Variants in ARFGEF1 observed in about 807,000 individuals in gnomAD.
ARFGEF1 encodes brefeldin A-inhibited guanine nucleotide-exchange protein 1.
A neutral mutation model predicts 231.0 loss-of-function variants in ARFGEF1; 42 were observed. The ratio of observed to expected loss-of-function variants is 0.18; its 90% CI spans 0.14 to 0.24. ARFGEF1 has a LOEUF of 0.24. Among genes scored for constraint, ARFGEF1 ranks in the 10% least tolerant of loss-of-function variants. The pLI, the probability that ARFGEF1 is intolerant of heterozygous loss-of-function variation, is 1.00. For missense variants in ARFGEF1, 1,345 were observed against 2,192.0 expected (o/e 0.61, Z 7.72); for synonymous variants, 710 against 732.3 (o/e 0.97, Z 0.49).
chr8:67,196,654 G>A (rs946760575), downstream of ARFGEF1, among the ~76,000 whole-genome samples: 3 of 151,994 alleles, frequency 2.0e-5, no homozygotes, highest in African/African-American at 4.8e-5. Context: ...TTTTCTAATC[G>A]GACCATTGTT....
intron 1 of ARFGEF1, among the ~76,000 whole-genome samples, chr8:67,331,065 A>T (rs532224693): frequency 7.2e-5 from 11 of 151,772 alleles, no homozygotes; most frequent in African/African-American, 1.4e-4. Flanking sequence ...TAATATTATT[A>T]AAAAAAAATT....
At chr8:67,291,751 A>C in intron 6 of ARFGEF1, 96 bp downstream of exon 6, 1 of 1,456,228 alleles carries the variant, frequency 6.9e-7, no homozygotes, top group Non-Finnish European at 9.3e-7. Context: ...CACACTTATT[A>C]AATCATATTA....
intron 33 of ARFGEF1, among the ~76,000 whole-genome samples, chr8:67,213,670 T>C (rs1331171965): frequency 2.0e-5 from 3 of 152,254 alleles, no homozygotes; most frequent in African/African-American, 7.2e-5. Context: ...TTAACATCTA[T>C]AGTCAGCTCA....
intron 33 of ARFGEF1, among the ~76,000 whole-genome samples, chr8:67,214,742 C>T (rs1587056495): frequency 6.6e-6 from 1 of 152,160 alleles, no homozygotes; most frequent in South Asian, 2.1e-4. Flanking sequence ...AGAAGACCCA[C>T]AAGGATTTTG....
intron 33 of ARFGEF1, among the ~76,000 whole-genome samples, chr8:67,213,817 T>C (rs1207192939): frequency 6.6e-6 from 1 of 152,240 alleles, no homozygotes; most frequent in African/African-American, 2.4e-5. Flanking sequence ...AGCCCAAGGC[T>C]TTCCAGCCTG....
At chr8:67,302,547 A>C in intron 1 of ARFGEF1, 81 bp from the exon 2 acceptor site, 8 of 966,084 alleles carry the variant, frequency 8.3e-6, no homozygotes, top group Non-Finnish European at 1.2e-5. Flanking sequence ...CTATAAACTC[A>C]TTTGGAACTT....
intron 16 of ARFGEF1, 97 bp from the exon 17 acceptor site, chr8:67,257,913 A>G: frequency 8.2e-7 from 1 of 1,224,188 alleles, no homozygotes; most frequent in Non-Finnish European, 1.2e-6. Flanking sequence ...TTATTTCTCT[A>G]AGTATCTCAC....
chr8:67,228,255 T>C lies in ARFGEF1; in HGVS notation c.3390A>G (p.Thr1130=). The change falls in exon 24 of 39, where the codon ACA becomes ACG. Residue 1130 remains threonine, a synonymous_variant. Coordinates refer to ENST00000262215, the MANE Select transcript of ARFGEF1 (RefSeq NM_006421.5). ...SVVVAVDRIF[T]GSTRLDGNAI... is the part of the protein sequence containing the mutation. Reference sequence around the variant, plus strand: ...CATTTCCATCTAGCCTTGTAGATCCTGTGAATATTCTAGGGAAAATAAAAC... The same window carrying C: ...CATTTCCATCTAGCCTTGTAGATCCCGTGAATATTCTAGGGAAAATAAAAC... The C allele has an allele frequency of 6.2e-7, 1 of 1,609,142 alleles. No homozygotes were observed. Among genetic ancestry groups the C allele is most frequent in the Non-Finnish European group, 8.5e-7 (1 of 1,176,990 alleles).
chr8:67,271,629 G>A lies in ARFGEF1; in HGVS notation c.1572+73C>T, dbSNP rs558973732. On this transcript the variant is annotated intron_variant, in intron 10 of 38. Coordinates refer to ENST00000262215, the MANE Select transcript of ARFGEF1 (RefSeq NM_006421.5). ...ATTTCATTCTGGAGAACTTTGCAGT[G>A]TATTCAAATATAATTTAACATGAAA... 5.6e-3 allele frequency: 6,108 copies of A among 1,082,156 alleles called. 34 individuals carry two copies. Among genetic ancestry groups the A allele is most frequent in the Non-Finnish European group, 7.4e-3 (5,473 of 737,798 alleles). The allele number at this position is 1,082,156 out of a possible 1,614,324, so 67.0% of individuals were successfully genotyped here.
chr8:67,280,300 T>C (rs887008371), intron 7 of ARFGEF1, among the ~76,000 whole-genome samples: 2 of 152,210 alleles, frequency 1.3e-5, no homozygotes, highest in Non-Finnish European at 2.9e-5. Flanking sequence ...ACCACAGCCA[T>C]GATCATCTAG....
intron 1 of ARFGEF1, among the ~76,000 whole-genome samples, chr8:67,304,218 C>G (rs1436623662): frequency 1.3e-5 from 2 of 152,226 alleles, no homozygotes; most frequent in African/African-American, 2.4e-5. Flanking sequence ...GACAAATCAC[C>G]TTGCTATACA....
intron 22 of ARFGEF1, among the ~76,000 whole-genome samples, chr8:67,234,691 G>A (rs1490699868): frequency 5.3e-5 from 8 of 152,030 alleles, no homozygotes; most frequent in Admixed American, 2.6e-4. Flanking sequence ...TACTACTTTC[G>A]AAAACAGGGA....
intron 29 of ARFGEF1, among the ~76,000 whole-genome samples, chr8:67,220,912 T>A (rs1173915438): frequency 2.7e-5 from 4 of 150,740 alleles, no homozygotes; most frequent in Non-Finnish European, 5.9e-5. Flanking sequence ...TTTTTTTTTT[T>A]AAAGCCATAC....
chr8:67,211,437 T>G (rs1195409314), intron 34 of ARFGEF1, 46 bp downstream of exon 34: 8 of 1,451,522 alleles, frequency 5.5e-6, no homozygotes, highest in Non-Finnish European at 7.4e-6. Context: ...GTTAACCCTT[T>G]CCTACATAAA....
At chr8:67,263,436 C>T (rs186630373) in intron 14 of ARFGEF1, among the ~76,000 whole-genome samples, 17 of 152,294 alleles carry the variant, frequency 1.1e-4, no homozygotes, top group Admixed American at 2.0e-4. Flanking sequence ...TTCACTAGCA[C>T]GCTAGCGCCA....
At chr8:67,260,521 G>C (rs150431172) in intron 14 of ARFGEF1, among the ~76,000 whole-genome samples, 2 of 152,054 alleles carry the variant, frequency 1.3e-5, no homozygotes, top group African/African-American at 2.4e-5. Flanking sequence ...AATTGTTTTG[G>C]GGTGACACAA....
At chr8:67,311,148 TG>T (rs1807012897) in intron 1 of ARFGEF1, among the ~76,000 whole-genome samples, 1 of 133,582 alleles carries the variant, frequency 7.5e-6, no homozygotes, top group African/African-American at 2.9e-5. Context: ...CTGCCCCGTC[TG>T]GGAGGTGAGG....
intron 19 of ARFGEF1, among the ~76,000 whole-genome samples, chr8:67,245,762 A>AT (rs1330145907): frequency 1.3e-5 from 2 of 150,446 alleles, no homozygotes; most frequent in Non-Finnish European, 2.9e-5. Context: ...AGTCACACTG[A>AT]ATATACATAG....
intron 34 of ARFGEF1, among the ~76,000 whole-genome samples, chr8:67,205,212 G>C (rs1838469877): frequency 6.6e-6 from 1 of 152,060 alleles, no homozygotes. Context: ...CAGCATTGGA[G>C]CCACTGCCCC....
Sources: allele counts gnomAD v4.1 joint callset (sites outside exome capture counted in the v4.1 genomes callset), GRCh38; gene constraint gnomAD v4.1.1; transcripts MANE v1.5; gene names NCBI Gene and HGNC (gene_info 2026-07-23, HGNC 2026-07-21).